Variants in GPC5 observed in about 807,000 individuals in gnomAD.
GPC5 encodes glypican-5.
A neutral mutation model predicts 53.9 loss-of-function variants in GPC5; 47 were observed. That is an observed-to-expected ratio of 0.87 (90% confidence interval 0.69 to 1.11). The LOEUF (loss-of-function observed/expected upper bound fraction) is 1.11. Ranked by LOEUF, GPC5 falls within the 50% of genes most tolerant of loss-of-function variation. The pLI, the probability that GPC5 is intolerant of heterozygous loss-of-function variation, is 0.00. For missense variants in GPC5, 748 were observed against 713.1 expected, an observed-to-expected ratio of 1.05 and a Z score of -0.56; for synonymous variants, 286 against 263.3, an observed-to-expected ratio of 1.09 and a Z score of -0.84.
chr13:91,636,488 C>T (rs2034289305), intron 2 of GPC5, among the ~76,000 whole-genome samples: 1 of 151,482 alleles, frequency 6.6e-6, no homozygotes, highest in South Asian at 2.1e-4. Flanking sequence ...AATCAAATTG[C>T]TATACAATAA....
At chr13:92,027,440 G>A (rs575672221) in intron 6 of GPC5, among the ~76,000 whole-genome samples, 12 of 152,216 alleles carry the variant, frequency 7.9e-5, no homozygotes, top group African/African-American at 2.9e-4. Context: ...TTGAGGCCCT[G>A]CTGTACATTG....
At chr13:91,754,464 C>A (rs924039056) in intron 4 of GPC5, among the ~76,000 whole-genome samples, 3 of 151,974 alleles carry the variant, frequency 2.0e-5, no homozygotes, top group Non-Finnish European at 2.9e-5. Flanking sequence ...AGAAATGAAC[C>A]TTGTGCTATC....
intron 7 of GPC5, among the ~76,000 whole-genome samples, chr13:92,857,306 C>T (rs1879031943): frequency 1.3e-5 from 2 of 152,036 alleles, no homozygotes; most frequent in East Asian, 1.9e-4. Flanking sequence ...TCACCATATA[C>T]AAAAATTAAC....
intron 7 of GPC5, among the ~76,000 whole-genome samples, chr13:92,160,616 G>T (rs796977291): frequency 6.6e-6 from 1 of 152,088 alleles, no homozygotes; most frequent in African/African-American, 2.4e-5. Flanking sequence ...ATGAAATTTG[G>T]CATTGAGTCT....
chr13:92,087,391 G>A (rs905164116), intron 6 of GPC5, among the ~76,000 whole-genome samples: 1 of 152,036 alleles, frequency 6.6e-6, no homozygotes, highest in Non-Finnish European at 1.5e-5. Flanking sequence ...CAAAGTACCT[G>A]GTACATGGTT....
chr13:92,130,318 G>C (rs1594775192), intron 6 of GPC5, among the ~76,000 whole-genome samples: 1 of 150,768 alleles, frequency 6.6e-6, no homozygotes, highest in African/African-American at 2.4e-5. Flanking sequence ...CATGCAATTA[G>C]AGGAAGCAAT....
intron 2 of GPC5, among the ~76,000 whole-genome samples, chr13:91,588,148 C>A (rs1005272665): frequency 1.3e-5 from 2 of 152,070 alleles, no homozygotes; most frequent in African/African-American, 4.8e-5. Flanking sequence ...GTTGGAGAGG[C>A]GTCTTTTCAT....
At chr13:91,665,505 C>CTCTT (rs1555335534) in intron 2 of GPC5, among the ~76,000 whole-genome samples, 11 of 146,196 alleles carry the variant, frequency 7.5e-5, no homozygotes, top group African/African-American at 2.6e-4. Context: ...AAAAGCCAGT[C>CTCTT]TTTTTTTTTT....
chr13:91,643,834 T>C (rs1011895935), intron 2 of GPC5, among the ~76,000 whole-genome samples: 3 of 152,140 alleles, frequency 2.0e-5, no homozygotes, highest in Non-Finnish European at 2.9e-5. Flanking sequence ...ATTAGGAGTC[T>C]CCATTACACT....
intron 5 of GPC5, among the ~76,000 whole-genome samples, chr13:91,902,192 T>A (rs1218456829): frequency 6.6e-6 from 1 of 152,016 alleles, no homozygotes; most frequent in Non-Finnish European, 1.5e-5. Context: ...AATTCTATTG[T>A]ATTCTAAATA....
chr13:92,709,031 C>T (rs1319440915), intron 7 of GPC5, among the ~76,000 whole-genome samples: 1 of 150,110 alleles, frequency 6.7e-6, no homozygotes, highest in Non-Finnish European at 1.5e-5. Context: ...TGCAGGCACC[C>T]ACCACCATCT....
intron 7 of GPC5, among the ~76,000 whole-genome samples, chr13:92,742,902 C>T (rs992373211): frequency 6.6e-6 from 1 of 152,000 alleles, no homozygotes; most frequent in Non-Finnish European, 1.5e-5. Context: ...AGATGTATGG[C>T]ATTATTTCTG....
In GPC5 at chr13:91,954,583, A is replaced by G. The variant is rs2040056469; in HGVS notation, c.1401+46526A>G. On this transcript the variant is annotated intron_variant, in intron 6 of 7. Coordinates refer to ENST00000377067, the MANE Select transcript of GPC5 (RefSeq NM_004466.6). ...AAATTAGACACTACTACTAAGGGGA[A>G]ATCCCTTAACATGATAAGTTTCTAA... Among the ~76,000 whole-genome samples the G allele has an allele frequency of 2.0e-5, 3 of 152,162 alleles. No individual in the cohort carries two copies. In the South Asian group the frequency reaches 6.2e-4, roughly 31 times the overall value.
At chr13:92,223,810 A>G (rs773398297) in intron 7 of GPC5, among the ~76,000 whole-genome samples, 2 of 152,212 alleles carry the variant, frequency 1.3e-5, no homozygotes, top group African/African-American at 2.4e-5. Context: ...GCAAATAACA[A>G]TAAAACCTTC....
intron 5 of GPC5, among the ~76,000 whole-genome samples, chr13:91,819,134 A>G (rs202086874): frequency 8.3e-6 from 1 of 120,138 alleles, no homozygotes; most frequent in East Asian, 2.3e-4. Context: ...ATTTCTTTTT[A>G]TTAAAAAAAA....
chr13:92,474,833 TGAA>T (rs1382832405), intron 7 of GPC5, among the ~76,000 whole-genome samples: 1 of 152,056 alleles, frequency 6.6e-6, no homozygotes, highest in African/African-American at 2.4e-5. Flanking sequence ...TTTAACAAAG[TGAA>T]GAAGACAGGA....
intron 7 of GPC5, among the ~76,000 whole-genome samples, chr13:92,503,263 C>T (rs1880254034): frequency 1.3e-5 from 2 of 151,794 alleles, no homozygotes; most frequent in Admixed American, 1.3e-4. Flanking sequence ...GTCTACCAGT[C>T]TGTTATTCCA....
intron 6 of GPC5, among the ~76,000 whole-genome samples, chr13:92,137,546 G>A (rs779840495): frequency 9.9e-5 from 15 of 152,160 alleles, no homozygotes; most frequent in Non-Finnish European, 1.2e-4. Context: ...CTCATAATGT[G>A]CTAGCATTTT....
intron 7 of GPC5, among the ~76,000 whole-genome samples, chr13:92,701,210 A>G (rs1164082093): frequency 6.6e-6 from 1 of 152,144 alleles, no homozygotes; most frequent in Admixed American, 6.6e-5. Context: ...TAAAATTTGG[A>G]TTGATGGCCA....
Sources: gnomAD v4.1 joint callset for allele counts (sites outside exome capture counted in the v4.1 genomes callset) on GRCh38, gnomAD v4.1.1 for gene constraint, MANE v1.5 for transcripts, NCBI Gene and HGNC (gene_info 2026-07-23, HGNC 2026-07-21) for gene names.